Variants in NKAIN3 observed in about 807,000 individuals in gnomAD.
NKAIN3 encodes the protein sodium/potassium transporting ATPase interacting 3.
Under a neutral mutation model 30.2 loss-of-function variants are expected in NKAIN3, and 25 were observed. That is an observed-to-expected ratio of 0.83 (90% CI 0.60 to 1.16). The LOEUF (loss-of-function observed/expected upper bound fraction) is 1.16. NKAIN3 is among the 50% of genes most tolerant of loss of function. The pLI is 0.00. For missense variants in NKAIN3, 225 were observed against 254.1 expected (o/e 0.89, Z 0.78); for synonymous variants, 91 against 89.6 (o/e 1.02, Z -0.09).
chr8:62,691,412 G>T (rs1463779082), intron 3 of NKAIN3, among the ~76,000 whole-genome samples: 2 of 152,060 alleles, frequency 1.3e-5, no homozygotes, highest in Non-Finnish European at 2.9e-5. Context: ...GAGGCTGAGC[G>T]CTAGGGTGGC....
chr8:62,613,972 C>T (rs1018984885), intron 3 of NKAIN3, among the ~76,000 whole-genome samples: 1 of 152,032 alleles, frequency 6.6e-6, no homozygotes, highest in Admixed American at 6.6e-5. Flanking sequence ...ATTTTAAATT[C>T]TCTGTCTGAA....
intron 3 of NKAIN3, among the ~76,000 whole-genome samples, chr8:62,702,896 C>CATGTCAATGTAA (rs1303145747): frequency 1.3e-5 from 2 of 152,078 alleles, no homozygotes; most frequent in Non-Finnish European, 2.9e-5. Context: ...ACATATACAA[C>CATGTCAATGTAA]ATGTCAATGT....
chr8:62,279,860 C>A (rs1182545945), intron 1 of NKAIN3, among the ~76,000 whole-genome samples: 1 of 152,120 alleles, frequency 6.6e-6, no homozygotes, highest in Non-Finnish European at 1.5e-5. Flanking sequence ...AATGTGGGCT[C>A]TTTTTTGGTT....
At chr8:62,566,122 T>G (rs546443651) in intron 1 of NKAIN3, among the ~76,000 whole-genome samples, 1 of 152,266 alleles carries the variant, frequency 6.6e-6, no homozygotes, top group Admixed American at 6.6e-5. Flanking sequence ...GGAAATGCTT[T>G]GTTCTACCTT....
At position 62,914,437 on chromosome 8, in the gene NKAIN3, C is replaced by A. The variant is rs563508941; in HGVS notation, c.472-4016C>A. Reference sequence around the variant, plus strand: ...GTGATGAAATAATCTGTACAACAAACCCCTGGCACATGTTTGCCTATGTAA... The same window carrying A: ...GTGATGAAATAATCTGTACAACAAAACCCTGGCACATGTTTGCCTATGTAA... On this transcript the variant is annotated intron_variant, in intron 4 of 6. Coordinates refer to ENST00000623646, the MANE Select transcript of NKAIN3 (RefSeq NM_001304533.3). Among the ~76,000 whole-genome samples, 6 of 152,264 alleles carry A rather than the reference C, an allele frequency of 3.9e-5. No homozygotes were observed. The East Asian group carries it at 9.6e-4, about 24-fold the overall frequency.
In NKAIN3 at chr8:62,965,943, A is replaced by T. The variant is rs1467462063; in HGVS notation, c.*536A>T. 1.1e-5 allele frequency: 11 copies of T among 984,968 alleles called. No individual in the cohort carries two copies. The highest frequency in any genetic ancestry group is 1.3e-5 in the Non-Finnish European group (11 of 829,622). The allele number at this position is 984,968 out of a possible 1,614,324, so 61.0% of individuals were successfully genotyped here. A position where few individuals can be genotyped will look rare whatever the true frequency, so the allele number is the denominator to read the frequency against. On this transcript the variant is annotated 3_prime_UTR_variant, in exon 7 of 7. Coordinates refer to ENST00000623646, the MANE Select transcript of NKAIN3 (RefSeq NM_001304533.3). Reference sequence around the variant, plus strand: ...CATTTTTTCAACAGCATAAAACAAAACATGGAGTCCTCCTTTGTTCCTGAC... The same window carrying T: ...CATTTTTTCAACAGCATAAAACAAATCATGGAGTCCTCCTTTGTTCCTGAC...
intron 1 of NKAIN3, among the ~76,000 whole-genome samples, chr8:62,458,892 C>G (rs1014496838): frequency 6.6e-6 from 1 of 152,132 alleles, no homozygotes; most frequent in Non-Finnish European, 1.5e-5. Flanking sequence ...TGGAACAGGT[C>G]AATACAAGTA....
chr8:62,392,868 GA>G (rs1445627606), intron 1 of NKAIN3, among the ~76,000 whole-genome samples: 2 of 151,916 alleles, frequency 1.3e-5, no homozygotes, highest in Non-Finnish European at 2.9e-5. Flanking sequence ...TAAAATATAT[GA>G]CTTAGAGATA....
At chr8:62,479,128 A>G (rs1806617185) in intron 1 of NKAIN3, among the ~76,000 whole-genome samples, 1 of 152,162 alleles carries the variant, frequency 6.6e-6, no homozygotes, top group Non-Finnish European at 1.5e-5. Flanking sequence ...TATGTCACTC[A>G]GGCTCCTTGT....
intron 3 of NKAIN3, among the ~76,000 whole-genome samples, chr8:62,596,160 C>A (rs1810825917): frequency 6.6e-6 from 1 of 151,924 alleles, no homozygotes; most frequent in South Asian, 2.1e-4. Flanking sequence ...TAGCTGCAGG[C>A]AAAAGTATTT....
At chr8:62,505,061 C>G (rs555292221) in intron 1 of NKAIN3, among the ~76,000 whole-genome samples, 93 of 152,160 alleles carry the variant, frequency 6.1e-4, no homozygotes, top group Admixed American at 1.4e-3. Flanking sequence ...TGAAATCAGA[C>G]TAGATAAAGG....
intron 4 of NKAIN3, among the ~76,000 whole-genome samples, chr8:62,897,350 G>C (rs1015076262): frequency 7.2e-6 from 1 of 139,712 alleles, no homozygotes; most frequent in Non-Finnish European, 1.5e-5. Context: ...AAAGCTTATG[G>C]AAACAAATCT....
intron 1 of NKAIN3, among the ~76,000 whole-genome samples, chr8:62,459,124 A>G (rs780118368): frequency 7.9e-5 from 12 of 151,352 alleles, no homozygotes; most frequent in Middle Eastern, 3.5e-3. Flanking sequence ...CTCTGTCCTC[A>G]GCAGTGCTTG....
intron 1 of NKAIN3, among the ~76,000 whole-genome samples, chr8:62,441,458 CT>C (rs1805322016): frequency 6.6e-6 from 1 of 151,866 alleles, no homozygotes; most frequent in Non-Finnish European, 1.5e-5. Context: ...CTAAAATATT[CT>C]CTATAATGTC....
intron 4 of NKAIN3, among the ~76,000 whole-genome samples, chr8:62,868,340 C>CAT: frequency 9.5e-6 from 1 of 105,422 alleles, no homozygotes. Context: ...TAGTTCATTT[C>CAT]CTTTTTTTTT....
chr8:62,881,627 C>G (rs879808747), intron 4 of NKAIN3, among the ~76,000 whole-genome samples: 7 of 152,206 alleles, frequency 4.6e-5, no homozygotes, highest in Non-Finnish European at 7.3e-5. Context: ...CACAGTTTAT[C>G]CATTCACCTG....
chr8:62,324,203 C>T (rs1348573962), intron 1 of NKAIN3, among the ~76,000 whole-genome samples: 1 of 151,850 alleles, frequency 6.6e-6, no homozygotes, highest in Non-Finnish European at 1.5e-5. Flanking sequence ...TCTGAGGATC[C>T]AGGGGAGGTG....
chr8:62,281,824 T>C (rs1813204831), intron 1 of NKAIN3, among the ~76,000 whole-genome samples: 1 of 152,156 alleles, frequency 6.6e-6, no homozygotes, highest in East Asian at 1.9e-4. Flanking sequence ...TTTTCTTTTA[T>C]GTTGAGCAAA....
intron 6 of NKAIN3, among the ~76,000 whole-genome samples, chr8:62,963,364 A>AT (rs1823625109): frequency 6.6e-6 from 1 of 152,172 alleles, no homozygotes; most frequent in African/African-American, 2.4e-5. Flanking sequence ...ACCTGACATC[A>AT]TAAGAACAGG....
Sources: gnomAD v4.1 joint callset for allele counts (sites outside exome capture counted in the v4.1 genomes callset) on GRCh38, gnomAD v4.1.1 for gene constraint, MANE v1.5 for transcripts, NCBI Gene and HGNC (gene_info 2026-07-23, HGNC 2026-07-21) for gene names.